The following PCDH11X variants were observed in gnomAD, a reference collection of about 807,000 sequenced individuals.
The protein encoded by PCDH11X is protocadherin 11 X-linked, also known as protocadherin-11 X-linked.
PCDH11X carries 18 observed loss-of-function variants against 53.3 expected under a neutral mutation model. The observed-to-expected ratio is 0.34, with a 90% CI of 0.23 to 0.50. The LOEUF (loss-of-function observed/expected upper bound fraction) is 0.50, where lower values mean the gene tolerates loss of function less well. PCDH11X is among the 20% of genes least tolerant of loss of function. The probability of loss-of-function intolerance (pLI) is 0.98; values close to 1 mark genes in which losing one functional copy is unlikely to be tolerated. For missense variants in PCDH11X, 570 were observed against 1,032.4 expected (o/e 0.55, Z 6.14); for synonymous variants, 279 against 393.3 (o/e 0.71, Z 3.44).
chrX:91,945,815 C>A (rs1280363443), intron 6 of PCDH11X, among the ~76,000 whole-genome samples: 1 of 110,335 alleles, frequency 9.1e-6, no homozygotes, highest in Non-Finnish European at 1.9e-5. Context: ...TTTGAAATTG[C>A]TGCATGTTTC....
intron 6 of PCDH11X, among the ~76,000 whole-genome samples, chrX:92,132,649 ATATATATGTATATATATATG>A (rs1254096381): frequency 1.7e-5 from 1 of 58,676 alleles, no homozygotes; most frequent in Non-Finnish European, 2.8e-5. Flanking sequence ...ATATATATAT[ATATATATGTATATATATATG>A]TATATGTATA....
intron 9 of PCDH11X, among the ~76,000 whole-genome samples, chrX:92,432,138 C>G (rs1191355292): frequency 9.1e-6 from 1 of 109,598 alleles, no homozygotes; most frequent in Non-Finnish European, 1.9e-5. Flanking sequence ...TTTTTTCTTC[C>G]TTTGCAGCCT....
Position 92,147,861 on chromosome X carries a change from T to TC in PCDH11X, c.3034-53514_3034-53513insC, listed in dbSNP as rs1361995220. Reference sequence around the variant, plus strand: ...TTTCTTTCTTTCTTTCTTTTTTCTTTTCTCTCTTTCCTTTCTTTCTTTTTC... The same window carrying TC: ...TTTCTTTCTTTCTTTCTTTTTTCTTTCTCTCTCTTTCCTTTCTTTCTTTTTC... On this transcript the variant is annotated intron_variant, in intron 6 of 10. Transcript: ENST00000682573. Among the ~76,000 whole-genome samples, 121 of 92,052 alleles carry TC rather than the reference T, an allele frequency of 1.3e-3. 1 individual carries two copies. Among genetic ancestry groups the TC allele is most frequent in the African/African-American group, 5.2e-3 (118 of 22,535 alleles). The allele number at this position is 92,052 out of a possible 115,157, so 79.9% of individuals were successfully genotyped here.
chrX:92,596,211 A>T (rs766336634), intron 10 of PCDH11X, among the ~76,000 whole-genome samples: 1 of 112,510 alleles, frequency 8.9e-6, no homozygotes, highest in East Asian at 2.8e-4. Context: ...TACACCAGTG[A>T]GTACGCGCAG....
intron 10 of PCDH11X, among the ~76,000 whole-genome samples, chrX:92,557,337 C>T (rs1299315002): frequency 9.0e-6 from 1 of 110,670 alleles, no homozygotes; most frequent in Non-Finnish European, 1.9e-5. Flanking sequence ...CGTTTATGCT[C>T]TGCTTCCTCT....
intron 6 of PCDH11X, among the ~76,000 whole-genome samples, chrX:92,083,570 A>G (rs1269332113): frequency 1.8e-5 from 2 of 111,549 alleles, no homozygotes; most frequent in Non-Finnish European, 1.9e-5. Flanking sequence ...TAAACTGCAA[A>G]GTAAAAAACT....
chrX:92,046,552 G>A (rs111975418), intron 6 of PCDH11X, among the ~76,000 whole-genome samples: 3,772 of 110,751 alleles, frequency 0.034, 153 homozygotes, highest in African/African-American at 0.12. Context: ...CATTGATATT[G>A]GCACTGTTGT....
intron 10 of PCDH11X, among the ~76,000 whole-genome samples, chrX:92,520,603 C>A (rs1389609356): frequency 9.3e-6 from 1 of 107,439 alleles, no homozygotes; most frequent in Non-Finnish European, 1.9e-5. Flanking sequence ...CATGAGCCAC[C>A]ACACCTGGCC....
At chrX:91,868,995 T>A (rs1939136694) in intron 5 of PCDH11X, among the ~76,000 whole-genome samples, 1 of 111,929 alleles carries the variant, frequency 8.9e-6, no homozygotes, top group African/African-American at 3.2e-5. Flanking sequence ...ACGGTGAATT[T>A]TGTTTTGAGA....
intron 8 of PCDH11X, among the ~76,000 whole-genome samples, chrX:92,331,526 C>T (rs1422520745): frequency 9.3e-6 from 1 of 107,260 alleles, no homozygotes; most frequent in African/African-American, 3.4e-5. Context: ...CATCAAAAAA[C>T]TTTTGGTTTC....
chrX:92,437,924 GT>G (rs2072424430), intron 9 of PCDH11X, among the ~76,000 whole-genome samples: 1 of 111,664 alleles, frequency 9.0e-6, no homozygotes, highest in African/African-American at 3.3e-5. Flanking sequence ...TGATTTAAGT[GT>G]ATTGAAAACA....
At chrX:92,084,978 A>G (rs1463753875) in intron 6 of PCDH11X, among the ~76,000 whole-genome samples, 1 of 110,679 alleles carries the variant, frequency 9.0e-6, no homozygotes, top group Non-Finnish European at 1.9e-5. Flanking sequence ...CTATTGGAAA[A>G]AAAAAAACTT....
chrX:91,970,068 A>G (rs745889692), intron 6 of PCDH11X, among the ~76,000 whole-genome samples: 19 of 111,171 alleles, frequency 1.7e-4, no homozygotes, highest in African/African-American at 5.9e-4. Flanking sequence ...ACAGCTCATA[A>G]AGGCAGCGTA....
intron 10 of PCDH11X, among the ~76,000 whole-genome samples, chrX:92,554,461 G>T (rs2075015122): frequency 9.1e-6 from 1 of 109,761 alleles, no homozygotes; most frequent in Admixed American, 9.9e-5. Flanking sequence ...TGGGGAAAAT[G>T]GCATAACCTA....
chrX:92,168,483 G>A (rs1368274647), intron 6 of PCDH11X, among the ~76,000 whole-genome samples: 1 of 109,651 alleles, frequency 9.1e-6, no homozygotes, highest in Admixed American at 9.7e-5. Context: ...AATGAAGCCC[G>A]GGAAGTCAAG....
chrX:91,814,314 A>G (rs1457650104), intron 4 of PCDH11X, among the ~76,000 whole-genome samples: 1 of 111,205 alleles, frequency 9.0e-6, no homozygotes, highest in Non-Finnish European at 1.9e-5. Context: ...GATAAATGTC[A>G]CTGGGATGTG....
chrX:92,532,316 G>C (rs34023307), intron 10 of PCDH11X, among the ~76,000 whole-genome samples: 1 of 111,092 alleles, frequency 9.0e-6, no homozygotes, highest in African/African-American at 3.3e-5. Context: ...ACAAGGAGTG[G>C]TTCTAAGGTT....
At chrX:91,866,372 G>A (rs778825670) in intron 5 of PCDH11X, among the ~76,000 whole-genome samples, 4 of 110,718 alleles carry the variant, frequency 3.6e-5, no homozygotes, top group African/African-American at 1.3e-4. Context: ...GAGCACTTTG[G>A]CCCTTGGTGG....
intron 6 of PCDH11X, among the ~76,000 whole-genome samples, chrX:92,139,195 A>C (rs1257115120): frequency 9.5e-6 from 1 of 105,729 alleles, no homozygotes; most frequent in African/African-American, 3.5e-5. Context: ...TACAGATACC[A>C]TTTGGAATGT....
Sources: gnomAD v4.1 joint callset for allele counts (sites outside exome capture counted in the v4.1 genomes callset) on GRCh38, gnomAD v4.1.1 for gene constraint, MANE v1.5 for transcripts, NCBI Gene and HGNC (gene_info 2026-07-23, HGNC 2026-07-21) for gene names.